Variants in TMEM108 observed in about 807,000 individuals in gnomAD.
The protein encoded by TMEM108 is transmembrane protein 108, also known as cancer/testis antigen 124.
In TMEM108, 12 loss-of-function variants were observed where a neutral mutation model predicts 35.1. That is an observed-to-expected ratio of 0.34 (90% CI 0.22 to 0.55). TMEM108 has a LOEUF of 0.55. Ranked by LOEUF, TMEM108 falls within the 20% of genes least tolerant of loss-of-function variation. TMEM108 has a pLI of 0.89. For missense variants in TMEM108, 680 were observed against 753.3 expected, an observed-to-expected ratio of 0.90 and a Z score of 1.14; for synonymous variants, 287 against 308.6, an observed-to-expected ratio of 0.93 and a Z score of 0.73.
chr3:133,258,649 C>T (rs1946581586), intron 3 of TMEM108, among the ~76,000 whole-genome samples: 3 of 152,194 alleles, frequency 2.0e-5, no homozygotes, highest in Non-Finnish European at 1.5e-5. Flanking sequence ...TCACCACTGC[C>T]TCATACTGCT....
chr3:133,290,270 C>G (rs1327292929), intron 3 of TMEM108, among the ~76,000 whole-genome samples: 1 of 152,164 alleles, frequency 6.6e-6, no homozygotes, highest in Non-Finnish European at 1.5e-5. Context: ...AACCACTTAG[C>G]TATCTCTCTC....
intron 3 of TMEM108, 126 bp downstream of exon 3, chr3:133,229,477 T>C: frequency 1.4e-6 from 1 of 703,138 alleles, no homozygotes; most frequent in Non-Finnish European, 2.3e-6. Context: ...AAAGTTTCAC[T>C]CTGCTTCATC....
rs185241860 is a variant in TMEM108 at position 133,039,088 on chromosome 3, G to A, written c.-166+653G>A. ...CTGGAGGAATCCAGAGATTGGTTCAGGGGCTATTTTTTTTTTTAAGCAGTT... is the reference window on the plus strand; with the variant it reads ...CTGGAGGAATCCAGAGATTGGTTCAAGGGCTATTTTTTTTTTTAAGCAGTT... On this transcript the variant is annotated intron_variant, in intron 1 of 5. Coordinates refer to ENST00000321871, the MANE Select transcript of TMEM108 (RefSeq NM_023943.4). Among the ~76,000 whole-genome samples the A allele has an allele frequency of 2.9e-3, 438 of 151,852 alleles. 7 individuals carry two copies. Among genetic ancestry groups the A allele is most frequent in the African/African-American group, 0.01 (425 of 41,498 alleles).
Position 133,309,476 on chromosome 3 carries a change from C to T in TMEM108, c.41-70276C>T, listed in dbSNP as rs1421801740. On this transcript the variant is annotated intron_variant, in intron 3 of 5. Transcript: ENST00000321871. ...GTTAGGGTGTCAATTTTAGATCTTT[C>T]CTGCTTTCTCTTGTGTGCTTTTAGT... 3.3e-5 allele frequency among the ~76,000 whole-genome samples: 5 copies of T among 152,136 alleles called. No individual in the cohort carries two copies. In the East Asian group the frequency reaches 9.6e-4, roughly 29 times the overall value.
chr3:133,109,329 C>T (rs1051438080), intron 2 of TMEM108, among the ~76,000 whole-genome samples: 1 of 152,100 alleles, frequency 6.6e-6, no homozygotes, highest in Admixed American at 6.6e-5. Flanking sequence ...GAACTATCTT[C>T]ATCAAATTTG....
In TMEM108 at chr3:133,315,091, A is replaced by T. The variant is rs1041221668; in HGVS notation, c.41-64661A>T. On this transcript the variant is annotated intron_variant, in intron 3 of 5. Transcript: ENST00000321871. Reference sequence around the variant, plus strand: ...CTATTAATAGGTTGTTGTAAGAACTAAAGATAACATCGATCAAGTGCTTAG... The same window carrying T: ...CTATTAATAGGTTGTTGTAAGAACTTAAGATAACATCGATCAAGTGCTTAG... Among the ~76,000 whole-genome samples the T allele has an allele frequency of 2.0e-5, 3 of 152,374 alleles. No individual in the cohort carries two copies. In the East Asian group the frequency reaches 5.8e-4, roughly 29 times the overall value.
chr3:133,174,074 C>CT (rs757734745), intron 2 of TMEM108, among the ~76,000 whole-genome samples: 77 of 152,248 alleles, frequency 5.1e-4, no homozygotes, highest in Non-Finnish European at 8.7e-4. Flanking sequence ...CGGAGCCTTG[C>CT]TCATTGCTAG....
chr3:133,066,866 T>A (rs1943614422), intron 2 of TMEM108, among the ~76,000 whole-genome samples: 1 of 152,230 alleles, frequency 6.6e-6, no homozygotes, highest in Non-Finnish European at 1.5e-5. Flanking sequence ...TTCTTTACTT[T>A]TGTTATATTT....
chr3:133,209,209 T>A (rs954817528), intron 2 of TMEM108, among the ~76,000 whole-genome samples: 14 of 58,710 alleles, frequency 2.4e-4, no homozygotes, highest in African/African-American at 6.4e-4. Context: ...ACCTGGCTAA[T>A]TTTTTTTTTT....
chr3:133,392,738 A>G (rs115120347), intron 5 of TMEM108, among the ~76,000 whole-genome samples: 2,983 of 152,086 alleles, frequency 0.02, 92 homozygotes, highest in African/African-American at 0.064. Flanking sequence ...CCCCACTTCT[A>G]GTCTGTCAGA....
At chr3:133,308,720 C>A (rs59126999) in intron 3 of TMEM108, among the ~76,000 whole-genome samples, 209 of 152,286 alleles carry the variant, frequency 1.4e-3, no homozygotes, top group African/African-American at 5.0e-3. Context: ...CCTACTTGAT[C>A]GTGGTGGATA....
chr3:133,342,718 A>G (rs1331982536), intron 3 of TMEM108, among the ~76,000 whole-genome samples: 8 of 150,652 alleles, frequency 5.3e-5, no homozygotes, highest in African/African-American at 1.2e-4. Flanking sequence ...TTGGTCTCAT[A>G]TAAGTAGAGA....
chr3:133,042,721 T>A (rs1367232177), intron 1 of TMEM108, among the ~76,000 whole-genome samples: 1 of 152,226 alleles, frequency 6.6e-6, no homozygotes, highest in Non-Finnish European at 1.5e-5. Context: ...TCTCAATTTA[T>A]AGACAGCTCA....
Position 133,380,774 on chromosome 3 carries a change from G to A in TMEM108, c.1063G>A (p.Ala355Thr), listed in dbSNP as rs750770678. ...GTCTACCAGCTCTGGGGTCTTCACG[G>A]CTGCCACGGGGCCCACCCCAGCTGC... ...PLSTSSGVFT[A>T]ATGPTPAAFD... Residue 355 changes from alanine (A) to threonine (T), a missense_variant, in exon 4 of 6, where the codon GCT becomes ACT. Physicochemically the swap from Ala to Thr is moderately conservative, Grantham distance 58. Around this residue, in one of 3 missense-constraint regions of TMEM108, gnomAD observed 526 missense variants for 532.1 expected, o/e 0.99. Transcript: ENST00000321871. The surrounding 1 kb of genome is among the most constrained non-coding windows in gnomAD (Gnocchi z 5.3). 1.2e-5 allele frequency: 20 copies of A among 1,613,990 alleles called. No individual in the cohort carries two copies. The Admixed American group carries it at 2.2e-4, about 17-fold the overall frequency.
intron 3 of TMEM108, among the ~76,000 whole-genome samples, chr3:133,373,104 C>T (rs748631139): frequency 2.0e-5 from 3 of 152,152 alleles, no homozygotes; most frequent in Non-Finnish European, 2.9e-5. Flanking sequence ...CAGTGGCTCA[C>T]GCCTGTAATC....
chr3:133,054,489 A>G (rs1327147170), intron 2 of TMEM108, among the ~76,000 whole-genome samples: 1 of 152,248 alleles, frequency 6.6e-6, no homozygotes, highest in Non-Finnish European at 1.5e-5. Context: ...GTTGTTCAAC[A>G]GCTGGGTTTG....
chr3:133,287,142 T>C (rs940619267), intron 3 of TMEM108, among the ~76,000 whole-genome samples: 4 of 152,192 alleles, frequency 2.6e-5, no homozygotes, highest in African/African-American at 4.8e-5. Flanking sequence ...GCTGGCAAGA[T>C]GGTTTTTGGT....
At chr3:133,329,122 A>T (rs1462564703) in intron 3 of TMEM108, among the ~76,000 whole-genome samples, 1 of 151,888 alleles carries the variant, frequency 6.6e-6, no homozygotes, top group Non-Finnish European at 1.5e-5. Context: ...AAATTGTGAC[A>T]TGCACATGTC....
intron 2 of TMEM108, among the ~76,000 whole-genome samples, chr3:133,076,355 T>G (rs557519485): frequency 6.6e-6 from 1 of 152,200 alleles, no homozygotes; most frequent in East Asian, 1.9e-4. Flanking sequence ...ATTATGCATG[T>G]AAAGAGACCG....
Sources: allele counts gnomAD v4.1 joint callset (sites outside exome capture counted in the v4.1 genomes callset), GRCh38; gene constraint gnomAD v4.1.1; regional missense constraint gnomAD v4.1.1; non-coding constraint Gnocchi (gnomAD v3.1); transcripts MANE v1.5; gene names NCBI Gene and HGNC (gene_info 2026-07-23, HGNC 2026-07-21).